Variants in B3GALNT2 observed in about 807,000 individuals in gnomAD.
B3GALNT2 encodes beta-1,3-N-acetylgalactosaminyltransferase 2.
Under a neutral mutation model 61.1 loss-of-function variants are expected in B3GALNT2, and 53 were observed. That is an observed-to-expected ratio of 0.87 (90% CI 0.70 to 1.09). B3GALNT2 has a LOEUF of 1.09. Ranked by LOEUF, B3GALNT2 falls within the 50% of genes least tolerant of loss-of-function variation. B3GALNT2 has a pLI of 0.00. For synonymous variants in B3GALNT2, 223 were observed against 237.4 expected (o/e 0.94, Z 0.56); for missense variants, 544 against 623.0 (o/e 0.87, Z 1.35).
intron 2 of B3GALNT2, among the ~76,000 whole-genome samples, chr1:235,490,262 GCT>G (rs1323277841): frequency 4.6e-5 from 7 of 151,822 alleles, no homozygotes; most frequent in Non-Finnish European, 7.4e-5. Context: ...ACAGAGTCTC[GCT>G]CTGTCACCCA....
At position 235,448,224 on chromosome 1, in the gene B3GALNT2, A is replaced by C; in HGVS notation, c.*1982T>G. ...AGTAAGTAAGTAAGTCAGTCTCAAA[A>C]AAAAAAAAAAAAAAAAGACAGATAC... On this transcript the variant is annotated 3_prime_UTR_variant, in exon 12 of 12. Coordinates refer to ENST00000366600, the MANE Select transcript of B3GALNT2 (RefSeq NM_152490.5). 4.7e-6 allele frequency: 3 copies of C among 641,406 alleles called. No individual in the cohort carries two copies. Among genetic ancestry groups the C allele is most frequent in the African/African-American group, 1.8e-5 (1 of 54,086 alleles). 39.7% of individuals were successfully genotyped at this position (641,406 alleles called of 1,614,324 possible).
rs563046422 is a variant in B3GALNT2, at chr1:235,489,385, C to A, written c.261-117G>T. On this transcript the variant is annotated intron_variant, in intron 2 of 11. Transcript: ENST00000366600. ...ACACAAGTGTTTATGAGGATTAATT[C>A]TCTACCTTTATTCTTCTAGTCAGAC... 37 of 1,452,686 alleles carry A rather than the reference C, an allele frequency of 2.5e-5. No individual in the cohort carries two copies. The African/African-American group carries it at 4.1e-4, about 16-fold the overall frequency. 90.0% of individuals were successfully genotyped at this position (1,452,686 alleles called of 1,614,324 possible). A position where few individuals can be genotyped will look rare whatever the true frequency, so the allele number is the denominator to read the frequency against.
intron 1 of B3GALNT2, among the ~76,000 whole-genome samples, chr1:235,497,808 T>C (rs913517472): frequency 6.6e-6 from 1 of 152,196 alleles, no homozygotes; most frequent in African/African-American, 2.4e-5. Context: ...CTCCATATAA[T>C]TGTCAAACAA....
intron 2 of B3GALNT2, 25 bp from the exon 3 acceptor site, chr1:235,489,293 T>C (rs1684950833): frequency 6.2e-7 from 1 of 1,611,318 alleles, no homozygotes; most frequent in Non-Finnish European, 8.5e-7. Flanking sequence ...GGCATTAACA[T>C]CAGTTACTGA....
chr1:235,476,199 C>A (rs904310488), intron 5 of B3GALNT2, among the ~76,000 whole-genome samples: 5 of 151,022 alleles, frequency 3.3e-5, no homozygotes, highest in Admixed American at 3.3e-4. Context: ...ATCATGAGAT[C>A]AGGAGATCAA....
intron 2 of B3GALNT2, among the ~76,000 whole-genome samples, chr1:235,489,673 A>G (rs1039100398): frequency 1.1e-4 from 16 of 152,178 alleles, no homozygotes; most frequent in Non-Finnish European, 2.2e-4. Context: ...TTTCCATCCA[A>G]GAGGAAATCC....
chr1:235,461,765 T>C (rs1359485282), intron 7 of B3GALNT2, among the ~76,000 whole-genome samples: 2 of 152,166 alleles, frequency 1.3e-5, no homozygotes, highest in East Asian at 1.9e-4. Context: ...TCCACCTGCC[T>C]TGGCCTCCCA....
At chr1:235,469,165 T>A (rs1422345269) in intron 6 of B3GALNT2, among the ~76,000 whole-genome samples, 3 of 152,244 alleles carry the variant, frequency 2.0e-5, no homozygotes, top group Admixed American at 1.3e-4. Flanking sequence ...TGCCATTGTT[T>A]CTGCCTTACC....
intron 5 of B3GALNT2, among the ~76,000 whole-genome samples, chr1:235,473,746 A>T (rs1294666666): frequency 6.6e-6 from 1 of 152,258 alleles, no homozygotes; most frequent in Non-Finnish European, 1.5e-5. Flanking sequence ...TTAATATTTA[A>T]GAGGAAAGCA....
At chr1:235,462,069 G>GT (rs1368897752) in intron 7 of B3GALNT2, among the ~76,000 whole-genome samples, 2 of 152,212 alleles carry the variant, frequency 1.3e-5, no homozygotes, top group African/African-American at 4.8e-5. Context: ...CAGGCTAAGT[G>GT]TATGAAATGC....
the B3GALNT2 span, among the ~76,000 whole-genome samples, chr1:235,440,214 C>A: frequency 6.6e-6 from 1 of 152,168 alleles, no homozygotes; most frequent in Admixed American, 6.5e-5. Context: ...TTGTGATCCA[C>A]CCACCTTGGC....
intron 6 of B3GALNT2, among the ~76,000 whole-genome samples, chr1:235,466,374 T>C (rs1352556068): frequency 6.6e-6 from 1 of 151,838 alleles, no homozygotes; most frequent in African/African-American, 2.4e-5. Context: ...CGGCCTAATT[T>C]CATTTTACAG....
chr1:235,499,689 G>A (rs189910533), intron 1 of B3GALNT2, among the ~76,000 whole-genome samples: 1 of 152,170 alleles, frequency 6.6e-6, no homozygotes, highest in Non-Finnish European at 1.5e-5. Context: ...CTGTGCTTAG[G>A]TTTAACAAAG....
intron 7 of B3GALNT2, 50 bp downstream of exon 7, chr1:235,465,586 T>A: frequency 6.3e-7 from 1 of 1,586,898 alleles, no homozygotes; most frequent in Non-Finnish European, 8.6e-7. Flanking sequence ...GTATAAAGAT[T>A]AAGTATAAGA....
chr1:235,446,649 C>T (rs181984724), downstream of B3GALNT2, among the ~76,000 whole-genome samples: 46 of 150,474 alleles, frequency 3.1e-4, no homozygotes, highest in Non-Finnish European at 5.5e-4. Context: ...CTATTTATTA[C>T]ATAGAGATTG....
chr1:235,441,781 T>C, the B3GALNT2 span: 18 of 1,602,714 alleles, frequency 1.1e-5, no homozygotes, highest in Non-Finnish European at 1.5e-5. Flanking sequence ...TGGCCTTTGG[T>C]TTATCATTCA....
chr1:235,484,689 AT>A (rs1684718660), intron 3 of B3GALNT2, 174 bp from the exon 4 acceptor site: 2 of 1,209,910 alleles, frequency 1.7e-6, no homozygotes, highest in Non-Finnish European at 2.2e-6. Context: ...CTATATAAAC[AT>A]TTTTGAAATT....
intron 1 of B3GALNT2, among the ~76,000 whole-genome samples, chr1:235,501,694 T>C (rs1685587609): frequency 6.6e-6 from 1 of 151,926 alleles, no homozygotes; most frequent in African/African-American, 2.4e-5. Context: ...AAATCGCTCT[T>C]TCAAAAAAAA....
In B3GALNT2 at chr1:235,480,085, T is replaced by C; in HGVS notation, c.620A>G (p.Tyr207Cys). The C allele has an allele frequency of 2.5e-6, 4 of 1,613,974 alleles. No homozygotes were observed. Among genetic ancestry groups the C allele is most frequent in the Non-Finnish European group, 3.4e-6 (4 of 1,179,856 alleles). Residue 207 changes from tyrosine to cysteine, a missense_variant, in exon 5 of 12, where the codon TAC (tyrosine) becomes TGC (cysteine). By Grantham distance (194) the Tyr-to-Cys change is radical (BLOSUM62 -2). Coordinates refer to ENST00000366600, the MANE Select transcript of B3GALNT2 (RefSeq NM_152490.5). ...SCGVQVNKLW[Y>C]KPVEQFILPE... Reference sequence around the variant, plus strand: ...TAAGATGAATTGTTCCACGGGCTTGTACCACAGCTTGTTCACCTGCACACC... The same window carrying C: ...TAAGATGAATTGTTCCACGGGCTTGCACCACAGCTTGTTCACCTGCACACC...
Sources: allele counts gnomAD v4.1 joint callset (sites outside exome capture counted in the v4.1 genomes callset), GRCh38; gene constraint gnomAD v4.1.1; transcripts MANE v1.5; gene names NCBI Gene and HGNC (gene_info 2026-07-23, HGNC 2026-07-21).